Variants in BMP5 observed in about 807,000 individuals in gnomAD.
The protein encoded by BMP5 is bone morphogenetic protein 5.
BMP5 carries 23 observed loss-of-function variants against 46.6 expected under a neutral mutation model. The ratio of observed to expected loss-of-function variants is 0.49; its 90% CI spans 0.35 to 0.70. The LOEUF (loss-of-function observed/expected upper bound fraction) is 0.70. BMP5 is among the 30% of genes least tolerant of loss of function. The pLI is 0.00. For synonymous variants in BMP5, 204 were observed against 191.9 expected (o/e 1.06, Z -0.52); for missense variants, 545 against 565.6 (o/e 0.96, Z 0.37).
At chr6:55,784,792 C>A (rs1775407191) in intron 3 of BMP5, among the ~76,000 whole-genome samples, 2 of 151,770 alleles carry the variant, frequency 1.3e-5, no homozygotes, top group Admixed American at 6.6e-5. Flanking sequence ...CCCTTATAAT[C>A]ATTTTTAATG....
At chr6:55,785,762 T>TAAA (rs1562037057) in intron 3 of BMP5, among the ~76,000 whole-genome samples, 43 of 144,518 alleles carry the variant, frequency 3.0e-4, no homozygotes, top group African/African-American at 1.1e-3. Flanking sequence ...AAAAAAAAAT[T>TAAA]TTTTCAGAAA....
chr6:55,782,036 T>C (rs966075331), intron 3 of BMP5, among the ~76,000 whole-genome samples: 2 of 151,198 alleles, frequency 1.3e-5, no homozygotes, highest in South Asian at 2.1e-4. Context: ...AAAAAAAAAG[T>C]GAACTATATT....
intron 1 of BMP5, among the ~76,000 whole-genome samples, chr6:55,835,236 C>A (rs1776762933): frequency 1.3e-5 from 2 of 152,026 alleles, no homozygotes. Context: ...TTATGAGAAC[C>A]AAGACCCTGT....
Position 55,831,959 on chromosome 6 carries a change from CA to C in BMP5, c.491-12113del, listed in dbSNP as rs201958702. 5.9e-3 allele frequency among the ~76,000 whole-genome samples: 895 copies of C among 152,120 alleles called. 18 individuals are homozygous for C. The highest frequency in any genetic ancestry group is 0.02 in the African/African-American group (837 of 41,514). On this transcript the variant is annotated intron_variant, in intron 1 of 6. Coordinates refer to ENST00000370830, the MANE Select transcript of BMP5 (RefSeq NM_021073.4). ...AGAGAAGGTCTAACACAGAGAGAGACAAAAATAATGCTTAAGAAGGGAGATT... is the reference window on the plus strand; with the variant it reads ...AGAGAAGGTCTAACACAGAGAGAGACAAAATAATGCTTAAGAAGGGAGATT...
At chr6:55,799,412 G>C (rs1394879963) in intron 2 of BMP5, among the ~76,000 whole-genome samples, 3 of 152,136 alleles carry the variant, frequency 2.0e-5, no homozygotes, top group Non-Finnish European at 4.4e-5. Context: ...AGCAGAAAGA[G>C]GAGAAAAGGA....
chr6:55,812,071 ATTCAATCATGTGGAAACCTCC>A (rs1246183828), intron 2 of BMP5, among the ~76,000 whole-genome samples: 1 of 152,142 alleles, frequency 6.6e-6, no homozygotes, highest in Non-Finnish European at 1.5e-5. Context: ...TATCTGGAAA[ATTCAATCATGTGGAAACCTCC>A]TTTCCCAATA....
intron 1 of BMP5, among the ~76,000 whole-genome samples, chr6:55,826,690 A>G (rs1776540089): frequency 6.6e-6 from 1 of 151,456 alleles, no homozygotes; most frequent in Admixed American, 6.6e-5. Context: ...TAATAATTAA[A>G]TTAATAACAA....
intron 2 of BMP5, among the ~76,000 whole-genome samples, chr6:55,810,552 T>A (rs967793594): frequency 6.6e-6 from 1 of 152,186 alleles, no homozygotes; most frequent in African/African-American, 2.4e-5. Flanking sequence ...ATGAGGCTAT[T>A]ACACAGACAG....
intron 3 of BMP5, among the ~76,000 whole-genome samples, chr6:55,776,303 C>T (rs1775170505): frequency 1.3e-5 from 2 of 151,908 alleles, no homozygotes; most frequent in South Asian, 4.1e-4. Flanking sequence ...AGCCCTTTCA[C>T]TGTAAAAAGA....
intron 1 of BMP5, among the ~76,000 whole-genome samples, 182 bp from the exon 2 acceptor site, chr6:55,820,029 C>T (rs1582092354): frequency 6.6e-6 from 1 of 152,236 alleles, no homozygotes; most frequent in Admixed American, 6.6e-5. Context: ...AACCAACAGC[C>T]TTTAGTTCAA....
intron 4 of BMP5, 48 bp downstream of exon 4, chr6:55,774,001 C>T (rs371086729): frequency 2.2e-5 from 35 of 1,588,106 alleles, no homozygotes; most frequent in African/African-American, 6.7e-5. Context: ...TTGCAGCATA[C>T]GACCCCATAA....
chr6:55,765,574 G>T (rs1329873855), intron 4 of BMP5, among the ~76,000 whole-genome samples: 2 of 152,032 alleles, frequency 1.3e-5, no homozygotes, highest in Admixed American at 1.3e-4. Flanking sequence ...TATGACCTTG[G>T]GGGTAGAAAA....
chr6:55,843,596 T>G (rs901708572), intron 1 of BMP5, among the ~76,000 whole-genome samples: 1 of 151,954 alleles, frequency 6.6e-6, no homozygotes, highest in Non-Finnish European at 1.5e-5. Context: ...CATTTAGGAA[T>G]AGAAAAAAAG....
At chr6:55,815,399 A>G (rs996205587) in intron 2 of BMP5, among the ~76,000 whole-genome samples, 1 of 152,184 alleles carries the variant, frequency 6.6e-6, no homozygotes, top group Admixed American at 6.6e-5. Context: ...GGCAAATTAA[A>G]TAGAAACCTA....
chr6:55,782,494 C>T (rs116474712), intron 3 of BMP5, among the ~76,000 whole-genome samples: 382 of 152,242 alleles, frequency 2.5e-3, no homozygotes, highest in African/African-American at 8.9e-3. Context: ...TGCTGGCCTC[C>T]AGAACAAAAG....
intron 2 of BMP5, among the ~76,000 whole-genome samples, chr6:55,799,772 T>G (rs1325556168): frequency 3.3e-5 from 5 of 152,216 alleles, no homozygotes; most frequent in Non-Finnish European, 5.9e-5. Context: ...CTCAACTTGC[T>G]GCTGCCCGAG....
chr6:55,845,925 C>G (rs574572788), intron 1 of BMP5, among the ~76,000 whole-genome samples: 1 of 152,134 alleles, frequency 6.6e-6, no homozygotes, highest in Admixed American at 6.6e-5. Context: ...TACTCCTACT[C>G]CCGCTCCTCT....
At chr6:55,779,229 T>C (rs1235682721) in intron 3 of BMP5, among the ~76,000 whole-genome samples, 1 of 152,090 alleles carries the variant, frequency 6.6e-6, no homozygotes, top group East Asian at 1.9e-4. Flanking sequence ...AGTCTAAACG[T>C]TGATATCACT....
At chr6:55,765,580 G>A (rs1774899349) in intron 4 of BMP5, among the ~76,000 whole-genome samples, 1 of 152,100 alleles carries the variant, frequency 6.6e-6, no homozygotes, top group South Asian at 2.1e-4. Flanking sequence ...CTTGGGGGTA[G>A]AAAAATTCAG....
Sources: allele counts gnomAD v4.1 joint callset (sites outside exome capture counted in the v4.1 genomes callset), GRCh38; gene constraint gnomAD v4.1.1; transcripts MANE v1.5; gene names NCBI Gene and HGNC (gene_info 2026-07-23, HGNC 2026-07-21).